Variants in UBXN7 observed in about 807,000 individuals in gnomAD.
UBXN7 encodes the protein UBX domain protein 7.
A neutral mutation model predicts 58.0 loss-of-function variants in UBXN7; 9 were observed. The ratio of observed to expected loss-of-function variants is 0.16; its 90% confidence interval spans 0.09 to 0.27. The LOEUF is 0.27. Ranked by LOEUF, UBXN7 falls within the 10% of genes least tolerant of loss-of-function variation. The pLI, the probability that UBXN7 is intolerant of heterozygous loss-of-function variation, is 1.00. For synonymous variants in UBXN7, 208 were observed against 205.0 expected, an observed-to-expected ratio of 1.01 and a Z score of -0.12; for missense variants, 328 against 599.6, an observed-to-expected ratio of 0.55 and a Z score of 4.73.
chr3:196,368,185 AAATAT>A (rs751826908), intron 7 of UBXN7, 30 bp from the exon 8 acceptor site: 3 of 1,589,050 alleles, frequency 1.9e-6, no homozygotes, highest in South Asian at 1.2e-5. Flanking sequence ...ATCTATAAAT[AAATAT>A]AATATCTAGA....
intron 1 of UBXN7, among the ~76,000 whole-genome samples, chr3:196,420,634 T>C (rs1309168603): frequency 6.6e-6 from 1 of 152,134 alleles, no homozygotes; most frequent in Non-Finnish European, 1.5e-5. Context: ...TCATCTATAC[T>C]CCATGACAGG....
Position 196,372,057 on chromosome 3 carries a change from T to C in UBXN7, c.469-15A>G. 6.3e-7 allele frequency: 1 copy of C among 1,575,976 alleles called. No homozygotes were observed. ...CACTCTTTGGCCTGCAAGAGTAAAG[T>C]TACACATTTGTTAGAAATAATTTCT... On this transcript the variant is annotated splice_polypyrimidine_tract_variant and intron_variant, in intron 5 of 10. Coordinates refer to ENST00000296328, the MANE Select transcript of UBXN7 (RefSeq NM_015562.2).
intron 5 of UBXN7, among the ~76,000 whole-genome samples, chr3:196,387,185 G>A (rs562491598): frequency 7.9e-5 from 12 of 152,198 alleles, no homozygotes; most frequent in African/African-American, 2.9e-4. Context: ...CAAGAAATGG[G>A]GAAAGGATTC....
rs192341707 is a variant in UBXN7 at position 196,404,416 on chromosome 3, C to A, written c.222-1397G>T. Among the ~76,000 whole-genome samples, 375 of 152,198 alleles carry A rather than the reference C, an allele frequency of 2.5e-3. 2 individuals carry two copies. The highest frequency in any genetic ancestry group is 7.4e-3 in the African/African-American group (307 of 41,534). On this transcript the variant is annotated intron_variant, in intron 2 of 10. Transcript: ENST00000296328. ...GAGCTGGGACTACAGGCGCACGCCA[C>A]CACGCCCGGCTAATTTTTTGTATTT...
intron 5 of UBXN7, among the ~76,000 whole-genome samples, chr3:196,381,323 G>A (rs1007273566): frequency 1.3e-5 from 2 of 152,230 alleles, no homozygotes; most frequent in African/African-American, 2.4e-5. Context: ...TGCAGCTTCT[G>A]CTGGTGATAC....
chr3:196,421,276 A>G (rs1730675249), intron 1 of UBXN7, among the ~76,000 whole-genome samples: 1 of 152,220 alleles, frequency 6.6e-6, no homozygotes, highest in African/African-American at 2.4e-5. Flanking sequence ...AGGAGCCAAG[A>G]TGCCAGAGTT....
Position 196,356,479 on chromosome 3 carries a change from G to A in UBXN7, c.*206C>T, listed in dbSNP as rs986847608. ...AGGGGGAGGCAGAAGGGTACGGAGT[G>A]GGGAGCGAGAAAACAGAAGAGGAGA... On this transcript the variant is annotated 3_prime_UTR_variant, in exon 11 of 11. Coordinates refer to ENST00000296328, the MANE Select transcript of UBXN7 (RefSeq NM_015562.2). 1.9e-6 allele frequency: 1 copy of A among 520,594 alleles called. No individual in the cohort carries two copies. Among genetic ancestry groups the A allele is most frequent in the Non-Finnish European group, 3.3e-6 (1 of 304,916 alleles). The allele number at this position is 520,594 out of a possible 1,614,324, so 32.2% of individuals were successfully genotyped here.
At chr3:196,408,145 G>A (rs1730219770) in intron 1 of UBXN7, among the ~76,000 whole-genome samples, 2 of 130,602 alleles carry the variant, frequency 1.5e-5, no homozygotes, top group Admixed American at 7.6e-5. Context: ...CAATGGCAAA[G>A]AAGTGAGATG....
chr3:196,419,667 G>A (rs1438949458), intron 1 of UBXN7, among the ~76,000 whole-genome samples: 1 of 152,176 alleles, frequency 6.6e-6, no homozygotes, highest in Non-Finnish European at 1.5e-5. Context: ...TAACATGAGA[G>A]ACCATTTTTG....
chr3:196,391,707 C>A, intron 5 of UBXN7, 106 bp downstream of exon 5: 1 of 783,638 alleles, frequency 1.3e-6, no homozygotes, highest in Non-Finnish European at 2.0e-6. Context: ...GCAGTCCAGC[C>A]TGGACGACAG....
chr3:196,404,589 A>C (rs79998902), intron 2 of UBXN7, among the ~76,000 whole-genome samples: 1 of 152,196 alleles, frequency 6.6e-6, no homozygotes, highest in African/African-American at 2.4e-5. Flanking sequence ...TGTTCTGAAC[A>C]GTATTAACTA....
At chr3:196,401,350 ATAAAAAT>A (rs1729976012) in intron 3 of UBXN7, among the ~76,000 whole-genome samples, 1 of 144,994 alleles carries the variant, frequency 6.9e-6, no homozygotes, top group Non-Finnish European at 1.5e-5. Context: ...TATACAAAAA[ATAAAAAT>A]TAAAAAAATA....
intron 3 of UBXN7, 48 bp downstream of exon 3, chr3:196,402,904 T>G: frequency 6.4e-7 from 1 of 1,567,334 alleles, no homozygotes; most frequent in South Asian, 1.2e-5. Context: ...TTCATTAAAA[T>G]CCTAAAGAAC....
intron 1 of UBXN7, among the ~76,000 whole-genome samples, chr3:196,427,705 G>A (rs1279503322): frequency 6.6e-6 from 1 of 152,190 alleles, no homozygotes; most frequent in African/African-American, 2.4e-5. Context: ...TGACTTCTGA[G>A]TTTTCAACAG....
At chr3:196,427,654 A>C (rs1476225575) in intron 1 of UBXN7, among the ~76,000 whole-genome samples, 1 of 152,150 alleles carries the variant, frequency 6.6e-6, no homozygotes, top group Non-Finnish European at 1.5e-5. Context: ...TTCAGAATAG[A>C]TCCAGCTGCA....
intron 1 of UBXN7, among the ~76,000 whole-genome samples, chr3:196,417,838 T>C (rs938145788): frequency 2.7e-5 from 4 of 149,142 alleles, no homozygotes; most frequent in South Asian, 2.1e-4. Flanking sequence ...GGTGGAAGGA[T>C]TGCTTAAGTC....
At chr3:196,391,451 C>T (rs984970211) in intron 5 of UBXN7, among the ~76,000 whole-genome samples, 34 of 152,064 alleles carry the variant, frequency 2.2e-4, no homozygotes, top group African/African-American at 7.0e-4. Flanking sequence ...CCACTGAAGG[C>T]CAGGTGCAGT....
chr3:196,384,207 G>A (rs1226555349), intron 5 of UBXN7, among the ~76,000 whole-genome samples: 1 of 152,082 alleles, frequency 6.6e-6, no homozygotes, highest in African/African-American at 2.4e-5. Flanking sequence ...TAGAAGAAAT[G>A]GGCAAATTCC....
chr3:196,406,468 C>T (rs982408629), intron 2 of UBXN7, among the ~76,000 whole-genome samples: 1 of 152,058 alleles, frequency 6.6e-6, no homozygotes, highest in African/African-American at 2.4e-5. Flanking sequence ...GAGACAGAGT[C>T]TTGCTCTGTC....
Sources: allele counts gnomAD v4.1 joint callset (sites outside exome capture counted in the v4.1 genomes callset), GRCh38; gene constraint gnomAD v4.1.1; transcripts MANE v1.5; gene names NCBI Gene and HGNC (gene_info 2026-07-23, HGNC 2026-07-21).